Variants in CGGBP1 observed in about 807,000 individuals in gnomAD.
CGGBP1 encodes the protein CGG triplet repeat binding protein 1, also known as CGG triplet repeat-binding protein 1.
In CGGBP1, 4 loss-of-function variants were observed where a neutral mutation model predicts 11.4. The observed-to-expected ratio is 0.35, with a 90% confidence interval of 0.17 to 0.80. CGGBP1 has a LOEUF of 0.80. Ranked by LOEUF, CGGBP1 falls within the 30% of genes least tolerant of loss-of-function variation. The probability of loss-of-function intolerance (pLI) is 0.52; values close to 1 mark genes in which losing one functional copy is unlikely to be tolerated. For missense variants in CGGBP1, 135 were observed against 202.1 expected, an observed-to-expected ratio of 0.67 and a Z score of 2.01; for synonymous variants, 76 against 74.1, an observed-to-expected ratio of 1.03 and a Z score of -0.13.
At chr3:88,126,363 T>C in intron 2 of CGGBP1, 2 of 1,234,136 alleles carry the variant, frequency 1.6e-6, no homozygotes, top group Non-Finnish European at 2.1e-6. Context: ...TTTTCTTCAT[T>C]TTATAATACT....
At chr3:88,116,557 T>TACACAC (rs745598873) in intron 2 of CGGBP1, among the ~76,000 whole-genome samples, 5 of 25,502 alleles carry the variant, frequency 2.0e-4, no homozygotes, top group Non-Finnish European at 4.9e-4. Flanking sequence ...TACATACATA[T>TACACAC]ATATACACAC....
At chr3:88,059,256 G>A, upstream of CGGBP1, 10 of 1,530,676 alleles carry the variant, frequency 6.5e-6, no homozygotes, top group South Asian at 1.2e-5. Flanking sequence ...GAGGAGGTTA[G>A]CCTAGGCATC....
At chr3:88,144,114 G>C (rs898787344) in intron 1 of CGGBP1, 1 of 152,318 alleles carries the variant, frequency 6.6e-6, no homozygotes, top group African/African-American at 2.4e-5. Context: ...CTGTGTGTCA[G>C]TAAGGTGAAG....
chr3:88,066,158 T>A (rs773790561), intron 2 of CGGBP1, among the ~76,000 whole-genome samples: 1 of 152,250 alleles, frequency 6.6e-6, no homozygotes, highest in East Asian at 1.9e-4. Context: ...AATAAACTTA[T>A]GAAAATCATT....
In CGGBP1 at chr3:88,112,477, A is replaced by G. The variant is rs143848508; in HGVS notation, c.-229+28493T>C. On this transcript the variant is annotated intron_variant, in intron 2 of 3. Coordinates refer to the CGGBP1 transcript ENST00000462901. ...TTATGAATCATAAATTATTAAGAGCACATAAAGTATTTAGTAACAGTATTT... is the reference window on the plus strand; with the variant it reads ...TTATGAATCATAAATTATTAAGAGCGCATAAAGTATTTAGTAACAGTATTT... Among the ~76,000 whole-genome samples the G allele has an allele frequency of 6.9e-3, 1,048 of 151,634 alleles. 8 individuals carry two copies. The highest frequency in any genetic ancestry group is 0.021 in the Middle Eastern group (6 of 290).
At chr3:88,144,809 A>G (rs1359470265) in intron 1 of CGGBP1, 2 of 152,172 alleles carry the variant, frequency 1.3e-5, no homozygotes, top group Non-Finnish European at 2.9e-5. Flanking sequence ...GATTTTTTTA[A>G]ACATAATATA....
At chr3:88,066,436 T>A (rs1312704802) in intron 2 of CGGBP1, among the ~76,000 whole-genome samples, 3 of 152,074 alleles carry the variant, frequency 2.0e-5, no homozygotes, top group Non-Finnish European at 2.9e-5. Flanking sequence ...TAGCTGGGTG[T>A]GGTGGCACAC....
intron 2 of CGGBP1, among the ~76,000 whole-genome samples, chr3:88,083,800 C>T (rs1708200451): frequency 6.6e-6 from 1 of 151,698 alleles, no homozygotes; most frequent in African/African-American, 2.4e-5. Flanking sequence ...TACTAGAATA[C>T]CAAAAAAGAA....
rs530698105 is a variant in CGGBP1, at chr3:88,125,477, G to A, written c.-229+15493C>T. Among the ~76,000 whole-genome samples, 7 of 147,572 alleles carry A rather than the reference G, an allele frequency of 4.7e-5. No homozygotes were observed. The South Asian group carries it at 6.7e-4, about 14-fold the overall frequency. On this transcript the variant is annotated intron_variant, in intron 2 of 3. Coordinates refer to the CGGBP1 transcript ENST00000462901. ...ATGTATGGACAAATTCACAACTATT[G>A]CCCAACTTAACAATACATCTTTATC...
rs2107560973 is a variant in CGGBP1 at position 88,057,218 on chromosome 3, TCTTTC to T, written c.-56_-52del. ...GAGAATAGCTGGGTAACATGAACTC[TCTTTC>T]AAAAGGACTTTAAATTGCCAACGTA... On this transcript the variant is annotated 5_prime_UTR_variant, in exon 3 of 4. Coordinates refer to ENST00000482016, the MANE Select transcript of CGGBP1 (RefSeq NM_001008390.2). The T allele has an allele frequency of 6.6e-6, 1 of 152,334 alleles. No homozygotes were observed. The highest frequency in any genetic ancestry group is 1.9e-4 in the East Asian group (1 of 5,194). 9.4% of individuals were successfully genotyped at this position (152,334 alleles called of 1,614,324 possible). A position where few individuals can be genotyped will look rare whatever the true frequency, so the allele number is the denominator to read the frequency against.
At chr3:88,140,989 A>G (rs780613391) in exon 2 of CGGBP1, 1 of 1,612,938 alleles carries the variant, frequency 6.2e-7, no homozygotes, top group South Asian at 1.1e-5. Flanking sequence ...GAAGCACTTG[A>G]GGCTCATCTT....
intron 2 of CGGBP1, among the ~76,000 whole-genome samples, chr3:88,123,938 G>C (rs1705928653): frequency 6.6e-6 from 1 of 152,132 alleles, no homozygotes; most frequent in South Asian, 2.1e-4. Flanking sequence ...GTTGATCATT[G>C]TTTTAACCCA....
At chr3:88,099,029 A>G (rs1364929277) in intron 2 of CGGBP1, among the ~76,000 whole-genome samples, 1 of 152,164 alleles carries the variant, frequency 6.6e-6, no homozygotes, top group Non-Finnish European at 1.5e-5. Flanking sequence ...CAGTTAGGAA[A>G]AGAGGAAGTC....
chr3:88,081,410 C>T (rs1450228786), intron 2 of CGGBP1, among the ~76,000 whole-genome samples: 1 of 151,934 alleles, frequency 6.6e-6, no homozygotes, highest in Non-Finnish European at 1.5e-5. Context: ...CTCAAATTTT[C>T]ACTCACTATT....
At chr3:88,138,685 T>C in intron 2 of CGGBP1, 1 of 1,221,900 alleles carries the variant, frequency 8.2e-7, no homozygotes, top group Admixed American at 4.2e-5. Context: ...TATTTAGCAC[T>C]AATATTTTTC....
At chr3:88,056,062 C>CA (rs1453653021) in intron 3 of CGGBP1, 63 bp from the exon 4 acceptor site, 11 of 1,247,920 alleles carry the variant, frequency 8.8e-6, no homozygotes, top group Admixed American at 2.3e-5. Flanking sequence ...AAGTAATGAA[C>CA]AATAAAAGGC....
At chr3:88,130,349 G>A (rs1050175604) in intron 2 of CGGBP1, among the ~76,000 whole-genome samples, 3 of 152,122 alleles carry the variant, frequency 2.0e-5, no homozygotes, top group Non-Finnish European at 2.9e-5. Context: ...AATCTGAAAT[G>A]ATCATGGGCT....
chr3:88,069,049 G>A (rs1357171631), intron 2 of CGGBP1, among the ~76,000 whole-genome samples: 1 of 152,114 alleles, frequency 6.6e-6, no homozygotes, highest in African/African-American at 2.4e-5. Context: ...AAGACTCAAG[G>A]CAGCAGAAAC....
intron 2 of CGGBP1, among the ~76,000 whole-genome samples, chr3:88,069,271 A>C (rs1559688380): frequency 6.6e-6 from 1 of 152,012 alleles, no homozygotes; most frequent in Admixed American, 6.6e-5. Flanking sequence ...AAAATACAAA[A>C]ATTAGTCGGG....
Sources: gnomAD v4.1 joint callset for allele counts (sites outside exome capture counted in the v4.1 genomes callset) on GRCh38, gnomAD v4.1.1 for gene constraint, MANE v1.5 for transcripts, NCBI Gene and HGNC (gene_info 2026-07-23, HGNC 2026-07-21) for gene names.